The following SERPINA9 variants were observed in gnomAD, a reference collection of about 807,000 sequenced individuals.
The protein encoded by SERPINA9 is serpin A9.
In SERPINA9, 32 loss-of-function variants were observed where a neutral mutation model predicts 24.5. That is an observed-to-expected ratio of 1.30 (90% CI 0.98 to 1.75). The LOEUF (loss-of-function observed/expected upper bound fraction) is 1.75. Ranked by LOEUF, SERPINA9 falls within the 40% of genes most tolerant of loss-of-function variation. The pLI is 0.00. For synonymous variants in SERPINA9, 233 were observed against 197.7 expected (o/e 1.18, Z -1.50); for missense variants, 594 against 497.1 (o/e 1.19, Z -1.85).
chr14:94,462,875 G>C lies in SERPINA9; in HGVS notation c.*218C>G. 4 of 542,572 alleles carry C rather than the reference G, an allele frequency of 7.4e-6. No homozygotes were observed. Among genetic ancestry groups the C allele is most frequent in the South Asian group, 6.3e-5 (3 of 47,602 alleles). 33.6% of individuals were successfully genotyped at this position (542,572 alleles called of 1,614,324 possible). A position where few individuals can be genotyped will look rare whatever the true frequency, so the allele number is the denominator to read the frequency against. ...ACATCCCATGAAGCTAGTTACCTGG[G>C]AGAATTTGTGGAAAAGGGCACTGAC... On this transcript the variant is annotated 3_prime_UTR_variant, in exon 5 of 5. Transcript: ENST00000674397.
chr14:94,463,352 G>C, intron 4 of SERPINA9, 56 bp from the exon 5 acceptor site: 1 of 1,477,268 alleles, frequency 6.8e-7, no homozygotes, highest in Non-Finnish European at 9.4e-7. Context: ...TTACTTAACT[G>C]AGTAAACTAA....
intron 1 of SERPINA9, among the ~76,000 whole-genome samples, chr14:94,475,389 G>GTGTACA: frequency 6.6e-6 from 1 of 152,044 alleles, no homozygotes; most frequent in African/African-American, 2.4e-5. Context: ...CCTGCTACAT[G>GTGTACA]TGTGCTACAT....
intron 1 of SERPINA9, chr14:94,475,807 A>C (rs1378018546): frequency 4.6e-6 from 2 of 430,924 alleles, no homozygotes; most frequent in African/African-American, 2.0e-5. Context: ...ACGACACAAC[A>C]ACAAAAACAC....
intron 1 of SERPINA9, among the ~76,000 whole-genome samples, chr14:94,471,312 T>A (rs557959266): frequency 1.3e-5 from 2 of 152,234 alleles, no homozygotes; most frequent in South Asian, 4.1e-4. Flanking sequence ...AACAATTATT[T>A]TGCCAGAAAT....
chr14:94,466,152 TGAGAA>T (rs2139801184), intron 3 of SERPINA9, among the ~76,000 whole-genome samples: 1 of 152,234 alleles, frequency 6.6e-6, no homozygotes, highest in African/African-American at 2.4e-5. Context: ...AGATGCAGCC[TGAGAA>T]GAGAAGAAAT....
At chr14:94,471,116 C>A (rs1449099716) in intron 1 of SERPINA9, among the ~76,000 whole-genome samples, 1 of 141,728 alleles carries the variant, frequency 7.1e-6, no homozygotes, top group Non-Finnish European at 1.5e-5. Context: ...CCCCCATCAT[C>A]CTTTTCACAA....
chr14:94,470,240 G>A, intron 1 of SERPINA9: 3 of 1,000,598 alleles, frequency 3.0e-6, no homozygotes, highest in Non-Finnish European at 2.4e-6. Flanking sequence ...AGCCAGAAGT[G>A]GTTTCTCACC....
At position 94,469,635 on chromosome 14, in the gene SERPINA9, A is replaced by T. The variant is rs748563339; in HGVS notation, c.206T>A (p.Phe69Tyr). ...AGTGGAGACACTCACAGGGGAGAAG[A>T]AGATGTTCTGACTCGGGGTCTCCAA... ...LVLETPSQNI[F>Y]FSPVSVSTSL... Residue 69 changes from phenylalanine (F) to tyrosine (Y), a missense_variant, in exon 2 of 5, where the codon TTC becomes TAC. Physicochemically the swap from Phe to Tyr is conservative, Grantham distance 22. Coordinates refer to ENST00000674397, the MANE Select transcript of SERPINA9 (RefSeq NM_175739.4). 1 of 1,614,042 alleles carries T rather than the reference A, an allele frequency of 6.2e-7. No individual in the cohort carries two copies. Among genetic ancestry groups the T allele is most frequent in the South Asian group, 1.1e-5 (1 of 91,068 alleles).
chr14:94,469,481 T>C lies in SERPINA9; in HGVS notation c.360A>G (p.Ser120=). ...TCAGGTCTTTGCTGGGAACAGTCAG[T>C]GAGTGAACCAGGTGCTGGAAGCCCT... is the stretch of plus-strand genomic sequence containing the variant. The part of the protein sequence containing the change: ...IHQGFQHLVH[S]LTVPSKDLTL... Residue 120 remains serine, a synonymous_variant, in exon 2 of 5, where the codon TCA becomes TCG. Coordinates refer to ENST00000674397, the MANE Select transcript of SERPINA9 (RefSeq NM_175739.4). 6.2e-7 allele frequency: 1 copy of C among 1,614,092 alleles called. No homozygotes were observed. The highest frequency in any genetic ancestry group is 8.5e-7 in the Non-Finnish European group (1 of 1,180,016).
chr14:94,475,967 C>G, intron 1 of SERPINA9, 169 bp downstream of exon 1: 1 of 947,252 alleles, frequency 1.1e-6, no homozygotes, highest in Non-Finnish European at 1.6e-6. Flanking sequence ...CTTCTGTATC[C>G]ACAAAAATGT....
rs1898814874 is a variant in SERPINA9 at position 94,463,066 on chromosome 14, G to A, written c.*27C>T. On this transcript the variant is annotated 3_prime_UTR_variant, in exon 5 of 5. Coordinates refer to ENST00000674397, the MANE Select transcript of SERPINA9 (RefSeq NM_175739.4). ...GTTATTTCTTGTGCATTAGCAATGT[G>A]CCATCAGTTAACAGGCCATTTCCCA... 2 of 1,542,438 alleles carry A rather than the reference G, an allele frequency of 1.3e-6. No individual in the cohort carries two copies. Among genetic ancestry groups the A allele is most frequent in the Non-Finnish European group, 1.8e-6 (2 of 1,114,614 alleles).
chr14:94,464,458 T>C (rs1183905939), intron 4 of SERPINA9: 1 of 548,416 alleles, frequency 1.8e-6, no homozygotes, highest in South Asian at 2.7e-5. Context: ...CTTGCTCTCC[T>C]GCAGCAGGCA....
intron 4 of SERPINA9, among the ~76,000 whole-genome samples, chr14:94,464,118 G>A (rs1898874054): frequency 1.3e-5 from 2 of 152,166 alleles, no homozygotes; most frequent in African/African-American, 4.8e-5. Context: ...GATACTGTCT[G>A]GTTAAAAGGG....
rs1310982694 is a variant in SERPINA9 at position 94,467,182 on chromosome 14, C to T, written c.829G>A (p.Gly277Ser). ...GCCTGTTCCAGTTGCCTCATCTTGC[C>T]CTTGCTAGGGAGGACAAAGAAGGCC... ...AVAFFVLPSK[G>S]KMRQLEQALS... Residue 277 changes from glycine to serine, a missense_variant, in exon 3 of 5, where the codon GGC becomes AGC. Coordinates refer to ENST00000674397, the MANE Select transcript of SERPINA9 (RefSeq NM_175739.4). 4 of 1,614,074 alleles carry T rather than the reference C, an allele frequency of 2.5e-6. No homozygotes were observed. The African/African-American group carries it at 5.3e-5, about 22-fold the overall frequency.
At chr14:94,466,434 C>T (rs2139801848) in intron 3 of SERPINA9, among the ~76,000 whole-genome samples, 1 of 152,334 alleles carries the variant, frequency 6.6e-6, no homozygotes, top group Non-Finnish European at 1.5e-5. Context: ...TGCAGCCTTC[C>T]TTCTCTCTTC....
In SERPINA9 at chr14:94,467,151, G is replaced by A. The variant is rs968763111; in HGVS notation, c.860C>T (p.Ser287Leu). 4 of 1,614,198 alleles carry A rather than the reference G, an allele frequency of 2.5e-6. No individual in the cohort carries two copies. The African/African-American group carries it at 5.3e-5, about 22-fold the overall frequency. Reference sequence around the variant, plus strand: ...GCTCCACTTTCTCAGTGTTCTGGCTGACAAGGCCTGTTCCAGTTGCCTCAT... The same window carrying A: ...GCTCCACTTTCTCAGTGTTCTGGCTAACAAGGCCTGTTCCAGTTGCCTCAT... ...GKMRQLEQAL[S>L]ARTLRKWSHS... Residue 287 changes from serine (S) to leucine (L), a missense_variant, in exon 3 of 5, where the codon TCA becomes TTA. Transcript: ENST00000674397.
chr14:94,470,125 G>T, intron 1 of SERPINA9: 2 of 1,046,226 alleles, frequency 1.9e-6, no homozygotes, highest in Non-Finnish European at 2.4e-6. Context: ...GTTCTGTGTG[G>T]GCTTCAAAGT....
At chr14:94,475,734 C>T (rs372605506) in intron 1 of SERPINA9, among the ~76,000 whole-genome samples, 1 of 152,176 alleles carries the variant, frequency 6.6e-6, no homozygotes, top group African/African-American at 2.4e-5. Context: ...CCCTCTCAAG[C>T]TGATCCTTGC....
chr14:94,475,827 C>T (rs768579798), intron 1 of SERPINA9: 2 of 458,978 alleles, frequency 4.4e-6, no homozygotes, highest in Non-Finnish European at 7.7e-6. Context: ...CTCCTTTCAC[C>T]CTCTCATTTG....
Sources: allele counts gnomAD v4.1 joint callset (sites outside exome capture counted in the v4.1 genomes callset), GRCh38; gene constraint gnomAD v4.1.1; transcripts MANE v1.5; gene names NCBI Gene and HGNC (gene_info 2026-07-23, HGNC 2026-07-21).